Variants in MDFIC observed in about 807,000 individuals in gnomAD.
MDFIC encodes the protein MyoD family inhibitor domain containing, also known as myoD family inhibitor domain-containing protein.
Under a neutral mutation model 23.2 loss-of-function variants are expected in MDFIC, and 17 were observed. The ratio of observed to expected loss-of-function variants is 0.73; its 90% CI spans 0.50 to 1.10. The LOEUF (loss-of-function observed/expected upper bound fraction) is 1.10, where lower values mean the gene tolerates loss of function less well. Ranked by LOEUF, MDFIC falls within the 50% of genes least tolerant of loss-of-function variation. The pLI is 0.00. For synonymous variants in MDFIC, 120 were observed against 115.2 expected (o/e 1.04, Z -0.27); for missense variants, 356 against 316.6 (o/e 1.12, Z -0.95).
rs549463187 is a variant in MDFIC, at chr7:114,932,758, G to A, written c.95-9517G>A. Among the ~76,000 whole-genome samples the A allele has an allele frequency of 2.8e-4, 42 of 152,322 alleles. 1 individual carries two copies. In the East Asian group the frequency reaches 4.2e-3, roughly 15 times the overall value. On this transcript the variant is annotated intron_variant, in intron 2 of 4. Transcript: ENST00000393486. ...GGTGGGGAGGACCCAGAAATTGAGA[G>A]GCTGAGTTAGTGAAGTTTATAAGTT...
At chr7:114,947,828 A>G (rs1259781959) in intron 3 of MDFIC, among the ~76,000 whole-genome samples, 1 of 152,250 alleles carries the variant, frequency 6.6e-6, no homozygotes. Flanking sequence ...ATGATTATAC[A>G]AGAAAATGCA....
intron 4 of MDFIC, among the ~76,000 whole-genome samples, chr7:115,004,109 A>G (rs568291623): frequency 5.9e-5 from 9 of 152,344 alleles, no homozygotes; most frequent in African/African-American, 9.6e-5. Flanking sequence ...AGCCTTTGGA[A>G]TCACATAGAT....
chr7:114,942,357 G>C lies in MDFIC; in HGVS notation c.177G>C (p.Gln59His). ...TCACACATGGAGAGATGCAAGACCAGTCCATTTGGGGAAATCCTTCGGATG... is the reference window on the plus strand; with the variant it reads ...TCACACATGGAGAGATGCAAGACCACTCCATTTGGGGAAATCCTTCGGATG... The part of the protein sequence containing the change: ...SHFTHGEMQD[Q>H]SIWGNPSDGE... Residue 59 changes from glutamine to histidine, a missense_variant, in exon 3 of 5, where the codon CAG (glutamine) becomes CAC (histidine). By Grantham distance (24) the Gln-to-His change is conservative (BLOSUM62 0). Transcript: ENST00000393486. The C allele has an allele frequency of 1.2e-6, 2 of 1,605,004 alleles. No individual in the cohort carries two copies.
intron 3 of MDFIC, among the ~76,000 whole-genome samples, chr7:114,970,558 C>G (rs940978597): frequency 1.1e-4 from 17 of 152,156 alleles, no homozygotes; most frequent in Admixed American, 2.6e-4. Context: ...CTTCCTGTCA[C>G]TAGCTGTACT....
intron 4 of MDFIC, among the ~76,000 whole-genome samples, chr7:114,991,664 G>C (rs558672925): frequency 6.6e-6 from 1 of 152,126 alleles, no homozygotes; most frequent in South Asian, 2.1e-4. Flanking sequence ...GGTTGTAGAT[G>C]TGTGGTATTA....
chr7:114,923,164 A>G (rs1563133107), intron 2 of MDFIC, 37 bp downstream of exon 2: 2 of 1,528,194 alleles, frequency 1.3e-6, no homozygotes, highest in Non-Finnish European at 8.7e-7. Flanking sequence ...CTTCTTTGTC[A>G]TTGTTGCATT....
At chr7:114,950,819 A>G (rs1404921559) in intron 3 of MDFIC, among the ~76,000 whole-genome samples, 9 of 152,180 alleles carry the variant, frequency 5.9e-5, no homozygotes, top group Non-Finnish European at 1.0e-4. Context: ...ATATCCAACA[A>G]TAGGTAAAGC....
intron 4 of MDFIC, among the ~76,000 whole-genome samples, chr7:115,009,977 T>C (rs190751400): frequency 2.5e-4 from 38 of 152,302 alleles, no homozygotes; most frequent in African/African-American, 9.1e-4. Context: ...CAGGCATCTT[T>C]CCCAGAACCA....
intron 4 of MDFIC, among the ~76,000 whole-genome samples, chr7:114,996,988 A>G (rs1791346100): frequency 1.3e-5 from 2 of 152,162 alleles, no homozygotes; most frequent in Non-Finnish European, 2.9e-5. Context: ...TGAAGGAAGT[A>G]TTTTAAAACA....
intron 3 of MDFIC, among the ~76,000 whole-genome samples, chr7:114,975,558 A>G (rs532380936): frequency 2.5e-5 from 1 of 39,984 alleles, no homozygotes; most frequent in Admixed American, 4.7e-4. Flanking sequence ...CCATATTAGC[A>G]TGCTTTTTTT....
intron 2 of MDFIC, among the ~76,000 whole-genome samples, chr7:114,937,141 A>C (rs1329741757): frequency 6.6e-6 from 1 of 152,196 alleles, no homozygotes; most frequent in African/African-American, 2.4e-5. Flanking sequence ...ATTTTAAATT[A>C]AATGGAAATT....
At chr7:114,946,444 A>G (rs1792646929) in intron 3 of MDFIC, among the ~76,000 whole-genome samples, 1 of 152,096 alleles carries the variant, frequency 6.6e-6, no homozygotes, top group African/African-American at 2.4e-5. Context: ...ATCCTTGGAC[A>G]TTGCTTTTAC....
At chr7:114,982,127 T>A (rs528554719) in intron 4 of MDFIC, among the ~76,000 whole-genome samples, 1 of 152,266 alleles carries the variant, frequency 6.6e-6, no homozygotes, top group South Asian at 2.1e-4. Context: ...TCAGGATAGA[T>A]CTCTTGCTCT....
chr7:114,922,739 C>A, intron 1 of MDFIC, 103 bp downstream of exon 1: 1 of 1,340,288 alleles, frequency 7.5e-7, no homozygotes, highest in Non-Finnish European at 9.8e-7. Flanking sequence ...GCTGGGTCCA[C>A]CTCGGACCCC....
intron 2 of MDFIC, among the ~76,000 whole-genome samples, chr7:114,939,789 G>A (rs1049360822): frequency 9.2e-5 from 14 of 152,076 alleles, no homozygotes; most frequent in Admixed American, 2.6e-4. Context: ...TTGGTTTCAC[G>A]AATTAATTTT....
chr7:114,977,385 T>C (rs1204034706), intron 3 of MDFIC, among the ~76,000 whole-genome samples: 1 of 152,104 alleles, frequency 6.6e-6, no homozygotes, highest in Admixed American at 6.6e-5. Context: ...AAAACCCCAC[T>C]GCTGTAGCAC....
intron 4 of MDFIC, among the ~76,000 whole-genome samples, chr7:114,994,305 T>G (rs1425953689): frequency 6.6e-6 from 1 of 152,210 alleles, no homozygotes; most frequent in East Asian, 1.9e-4. Context: ...CTTTATCCAA[T>G]TTGCCAGTCC....
At chr7:114,995,617 C>T (rs1262362445) in intron 4 of MDFIC, among the ~76,000 whole-genome samples, 4 of 152,210 alleles carry the variant, frequency 2.6e-5, no homozygotes, top group Non-Finnish European at 5.9e-5. Context: ...CCACTCCAGA[C>T]CCTGTTTGCC....
chr7:114,982,288 T>A (rs889536150), intron 4 of MDFIC, among the ~76,000 whole-genome samples: 1 of 152,210 alleles, frequency 6.6e-6, no homozygotes, highest in Non-Finnish European at 1.5e-5. Context: ...GCAGCATGAT[T>A]TATTGTGCAA....
Sources: gnomAD v4.1 joint callset for allele counts (sites outside exome capture counted in the v4.1 genomes callset) on GRCh38, gnomAD v4.1.1 for gene constraint, MANE v1.5 for transcripts, NCBI Gene and HGNC (gene_info 2026-07-23, HGNC 2026-07-21) for gene names.